The following NAALADL2 variants were observed in gnomAD, a reference collection of about 807,000 sequenced individuals.
NAALADL2 encodes the protein inactive N-acetylated-alpha-linked acidic dipeptidase-like protein 2.
Under a neutral mutation model 87.2 loss-of-function variants are expected in NAALADL2, and 76 were observed. The observed-to-expected ratio is 0.87, with a 90% CI of 0.72 to 1.05. NAALADL2 has a LOEUF of 1.05. NAALADL2 is among the 50% of genes least tolerant of loss of function. The pLI is 0.00. For synonymous variants in NAALADL2, 354 were observed against 331.0 expected, an observed-to-expected ratio of 1.07 and a Z score of -0.75; for missense variants, 1,089 against 945.8, an observed-to-expected ratio of 1.15 and a Z score of -1.99.
chr3:174,959,066 G>A (rs1242801423), intron 1 of NAALADL2, among the ~76,000 whole-genome samples: 1 of 152,014 alleles, frequency 6.6e-6, no homozygotes. Context: ...AATGAATTTG[G>A]TGGACATCTG....
intron 1 of NAALADL2, among the ~76,000 whole-genome samples, chr3:175,088,958 G>A (rs1719576313): frequency 6.6e-6 from 1 of 152,140 alleles, no homozygotes. Flanking sequence ...GCAGCAGGTT[G>A]AATGTGAACT....
rs867119763 is a variant in NAALADL2, at chr3:174,802,770, A to T, written c.-9+65024A>T. 2.0e-5 allele frequency among the ~76,000 whole-genome samples: 3 copies of T among 152,130 alleles called. No individual in the cohort carries two copies. The Middle Eastern group carries it at 0.01, about 517-fold the overall frequency. ...TCCTTGTGACAGTTTGCTTAGAATG[A>T]TGGTTTCCAGCTTCATCTATGTCTC... is the stretch of plus-strand genomic sequence containing the variant. On this transcript the variant is annotated intron_variant, in intron 3 of 3. Transcript: ENST00000434257.
At position 174,698,035 on chromosome 3, in the gene NAALADL2, G is replaced by A. The variant is rs535771664; in HGVS notation, c.-114-39606G>A. 1.1e-3 allele frequency among the ~76,000 whole-genome samples: 167 copies of A among 152,204 alleles called. 1 individual carries two copies. Among genetic ancestry groups the A allele is most frequent in the African/African-American group, 4.0e-3 (165 of 41,530 alleles). On this transcript the variant is annotated intron_variant, in intron 2 of 3. Coordinates refer to the NAALADL2 transcript ENST00000434257. ...GAACCCAGGAGGCAGAGGTTGCAGT[G>A]AGCCAAGATCCTGCCACTGCACTCC...
intron 5 of NAALADL2, among the ~76,000 whole-genome samples, chr3:175,375,794 T>C (rs1767056399): frequency 6.6e-6 from 1 of 152,140 alleles, no homozygotes; most frequent in South Asian, 2.1e-4. Context: ...ACCGTATTCC[T>C]ATTTTCTATT....
chr3:174,549,894 G>GT (rs137939827), intron 1 of NAALADL2, among the ~76,000 whole-genome samples: 76 of 146,148 alleles, frequency 5.2e-4, no homozygotes, highest in African/African-American at 1.4e-3. Flanking sequence ...GTGGTTTTTT[G>GT]TTTTTTTTTT....
chr3:174,577,245 A>T (rs926090368), intron 2 of NAALADL2, among the ~76,000 whole-genome samples: 1 of 152,184 alleles, frequency 6.6e-6, no homozygotes. Context: ...TCTTAAAAAA[A>T]CCAAATATCT....
chr3:175,354,644 C>T (rs1396709443), intron 5 of NAALADL2, among the ~76,000 whole-genome samples: 1 of 151,656 alleles, frequency 6.6e-6, no homozygotes, highest in Non-Finnish European at 1.5e-5. Context: ...TTAACATATA[C>T]TATTATTTTT....
chr3:175,604,373 C>G (rs549323328), intron 10 of NAALADL2, among the ~76,000 whole-genome samples: 1 of 149,310 alleles, frequency 6.7e-6, no homozygotes, highest in South Asian at 2.1e-4. Flanking sequence ...GTGCCATCTC[C>G]GCTCACTGCA....
At chr3:175,069,322 A>AT (rs1715145926) in intron 1 of NAALADL2, among the ~76,000 whole-genome samples, 1 of 149,998 alleles carries the variant, frequency 6.7e-6, no homozygotes, top group Non-Finnish European at 1.5e-5. Flanking sequence ...CAAGAAAAAA[A>AT]CAAACAACCC....
chr3:175,651,345 TCA>T (rs1203627656), intron 11 of NAALADL2, among the ~76,000 whole-genome samples: 1 of 152,172 alleles, frequency 6.6e-6, no homozygotes, highest in Non-Finnish European at 1.5e-5. Context: ...TAGTATGATC[TCA>T]GTCTTTTTAC....
intron 1 of NAALADL2, among the ~76,000 whole-genome samples, chr3:175,043,172 A>G (rs978590156): frequency 6.6e-6 from 1 of 152,218 alleles, no homozygotes. Flanking sequence ...TCCAAACCAG[A>G]CTAACACAAA....
intron 1 of NAALADL2, among the ~76,000 whole-genome samples, chr3:174,935,638 T>A (rs1367357764): frequency 6.6e-6 from 1 of 152,072 alleles, no homozygotes; most frequent in Non-Finnish European, 1.5e-5. Context: ...GAGTAAAGAG[T>A]AAATATAACA....
chr3:174,984,112 T>TAA (rs112965373), intron 1 of NAALADL2, among the ~76,000 whole-genome samples: 14,276 of 152,130 alleles, frequency 0.094, 1,553 homozygotes, highest in African/African-American at 0.26. Flanking sequence ...TGAGATGTTT[T>TAA]AAAAAAACAC....
chr3:175,353,613 G>A (rs911490829), intron 5 of NAALADL2, among the ~76,000 whole-genome samples: 13 of 152,086 alleles, frequency 8.5e-5, no homozygotes, highest in Non-Finnish European at 1.3e-4. Context: ...GTGCATTGTT[G>A]TTCTACTATC....
At chr3:175,730,401 T>G (rs1390250223) in intron 11 of NAALADL2, among the ~76,000 whole-genome samples, 4 of 17,190 alleles carry the variant, frequency 2.3e-4, no homozygotes, top group East Asian at 1.1e-3. Context: ...TACAGATATA[T>G]ATATATATAT....
chr3:175,496,482 A>G (rs956580603), intron 9 of NAALADL2, among the ~76,000 whole-genome samples: 3 of 152,094 alleles, frequency 2.0e-5, no homozygotes, highest in Non-Finnish European at 4.4e-5. Flanking sequence ...GGCAAACCAG[A>G]TGCACACCAA....
chr3:175,499,814 T>C (rs1729298554), intron 9 of NAALADL2, among the ~76,000 whole-genome samples: 1 of 152,056 alleles, frequency 6.6e-6, no homozygotes, highest in Admixed American at 6.6e-5. Flanking sequence ...TTGATTTGAG[T>C]CTTCTACTTG....
chr3:175,013,292 TATATATATA>T (rs1560476243), intron 1 of NAALADL2, among the ~76,000 whole-genome samples: 7 of 85,526 alleles, frequency 8.2e-5, no homozygotes, highest in African/African-American at 4.0e-4. Flanking sequence ...TATATATATA[TATATATATA>T]TTTTTTTTTT....
At chr3:175,449,537 G>A (rs1055808220) in intron 6 of NAALADL2, among the ~76,000 whole-genome samples, 5 of 151,808 alleles carry the variant, frequency 3.3e-5, no homozygotes, top group Non-Finnish European at 7.4e-5. Context: ...GGGACTACAG[G>A]TGCCCGCCAC....
Sources: allele counts gnomAD v4.1 joint callset (sites outside exome capture counted in the v4.1 genomes callset), GRCh38; gene constraint gnomAD v4.1.1; transcripts MANE v1.5; gene names NCBI Gene and HGNC (gene_info 2026-07-23, HGNC 2026-07-21).